The following THSD7A variants were observed in gnomAD, a reference collection of about 807,000 sequenced individuals.
THSD7A encodes the protein thrombospondin type-1 domain-containing protein 7A.
A neutral mutation model predicts 231.3 loss-of-function variants in THSD7A; 96 were observed. The ratio of observed to expected loss-of-function variants is 0.41; its 90% CI spans 0.35 to 0.49. The LOEUF (loss-of-function observed/expected upper bound fraction) is 0.49. Ranked by LOEUF, THSD7A falls within the 20% of genes least tolerant of loss-of-function variation. The probability of loss-of-function intolerance (pLI) is 0.05; values close to 1 mark genes in which losing one functional copy is unlikely to be tolerated. For missense variants in THSD7A, 2,290 were observed against 2,070.2 expected, an observed-to-expected ratio of 1.11 and a Z score of -2.06; for synonymous variants, 940 against 743.3, an observed-to-expected ratio of 1.26 and a Z score of -4.30.
chr7:11,386,453 T>C (rs555195152), intron 23 of THSD7A, among the ~76,000 whole-genome samples: 49 of 152,344 alleles, frequency 3.2e-4, no homozygotes, highest in African/African-American at 1.2e-3. Context: ...TGATTTGTGT[T>C]TCTCTAATGA....
intron 4 of THSD7A, among the ~76,000 whole-genome samples, chr7:11,555,547 A>C (rs1177529696): frequency 6.6e-6 from 1 of 151,854 alleles, no homozygotes; most frequent in Non-Finnish European, 1.5e-5. Context: ...TGTTGGATGG[A>C]GTAATTATAA....
intron 2 of THSD7A, among the ~76,000 whole-genome samples, chr7:11,606,301 G>A (rs777970697): frequency 1.4e-4 from 21 of 152,210 alleles, no homozygotes; most frequent in Middle Eastern, 3.4e-3. Context: ...CATGTCACTG[G>A]AAGAGTAGGA....
intron 1 of THSD7A, among the ~76,000 whole-genome samples, chr7:11,669,088 T>A (rs1480021176): frequency 6.6e-6 from 1 of 152,138 alleles, no homozygotes; most frequent in South Asian, 2.1e-4. Context: ...CCACATACCA[T>A]TATATATGTA....
intron 1 of THSD7A, among the ~76,000 whole-genome samples, chr7:11,705,892 C>T (rs1273839176): frequency 4.0e-5 from 6 of 150,736 alleles, no homozygotes; most frequent in African/African-American, 1.5e-4. Flanking sequence ...TCCAGTTAGC[C>T]CTTAATGTAG....
chr7:11,404,522 G>A (rs1393050798), intron 22 of THSD7A, among the ~76,000 whole-genome samples: 1 of 152,216 alleles, frequency 6.6e-6, no homozygotes, highest in African/African-American at 2.4e-5. Context: ...AAGGTCCAAA[G>A]GTTCAGTCCT....
chr7:11,615,752 T>A (rs1015746314), intron 2 of THSD7A, among the ~76,000 whole-genome samples: 2 of 152,206 alleles, frequency 1.3e-5, no homozygotes, highest in Non-Finnish European at 2.9e-5. Context: ...GTCAATGTCA[T>A]CTGTCTGAAA....
chr7:11,445,457 TAA>T (rs1784935976), intron 13 of THSD7A, among the ~76,000 whole-genome samples: 1 of 151,974 alleles, frequency 6.6e-6, no homozygotes. Flanking sequence ...GTTTAGAAAA[TAA>T]AAGTGGGCAC....
intron 6 of THSD7A, among the ~76,000 whole-genome samples, chr7:11,512,725 C>T (rs955027656): frequency 1.5e-5 from 2 of 132,016 alleles, no homozygotes; most frequent in Non-Finnish European, 3.0e-5. Context: ...GGGAACTGAA[C>T]AATGAGAACA....
Position 11,546,300 on chromosome 7 carries a change from C to A in THSD7A, c.1454-3183G>T, listed in dbSNP as rs558564469. ...GCCCAAGTGTGGACCCCATTGTCAC[C>A]ACCCCAATGTAGTGCTTTTGCCAGC... On this transcript the variant is annotated intron_variant, in intron 4 of 27. Coordinates refer to ENST00000423059, the MANE Select transcript of THSD7A (RefSeq NM_015204.3). Among the ~76,000 whole-genome samples, 8 of 152,210 alleles carry A rather than the reference C, an allele frequency of 5.3e-5. No homozygotes were observed. The East Asian group carries it at 1.6e-3, about 30-fold the overall frequency.
intron 22 of THSD7A, among the ~76,000 whole-genome samples, chr7:11,405,785 T>G (rs1783561854): frequency 6.6e-6 from 1 of 152,238 alleles, no homozygotes; most frequent in Non-Finnish European, 1.5e-5. Context: ...ATCTGTTATT[T>G]TCTTACTGAA....
chr7:11,584,176 CA>C (rs1791292390), intron 4 of THSD7A, among the ~76,000 whole-genome samples: 1 of 152,186 alleles, frequency 6.6e-6, no homozygotes. Flanking sequence ...AAAGCATCAG[CA>C]GCTCAGCCTT....
Position 11,375,173 on chromosome 7 carries a change from G to C in THSD7A, c.*621C>G, listed in dbSNP as rs1416322926. 1 of 151,834 alleles carries C rather than the reference G, an allele frequency of 6.6e-6. No individual in the cohort carries two copies. The highest frequency in any genetic ancestry group is 6.6e-5 in the Admixed American group (1 of 15,190). 9.4% of individuals were successfully genotyped at this position (151,834 alleles called of 1,614,324 possible). On this transcript the variant is annotated 3_prime_UTR_variant, in exon 28 of 28. Coordinates refer to ENST00000423059, the MANE Select transcript of THSD7A (RefSeq NM_015204.3). ...GTACTTGTCCAGCATTCTTACTTTG[G>C]AGAGAGACAAGAAGTCTTAAAAAAG...
At chr7:11,535,883 T>C (rs1788896319) in intron 6 of THSD7A, among the ~76,000 whole-genome samples, 1 of 152,168 alleles carries the variant, frequency 6.6e-6, no homozygotes, top group Non-Finnish European at 1.5e-5. Context: ...TGAGTTTCCA[T>C]TCTATAAATA....
Position 11,481,855 on chromosome 7 carries a change from G to A in THSD7A, c.1950C>T (p.Cys650=), listed in dbSNP as rs1380091944. Residue 650 remains cysteine (C), a synonymous_variant, in exon 7 of 28, where the codon TGC becomes TGT. Coordinates refer to ENST00000423059, the MANE Select transcript of THSD7A (RefSeq NM_015204.3). ...WSTWSSCSHT[C]SGKTTEGKQI... is the part of the protein sequence containing the mutation. ...GTTTCCCTTCTGTCGTTTTCCCTGA[G>A]CAGGTGTGTGAGCAGGAGGACCACG... The A allele has an allele frequency of 2.5e-6, 4 of 1,613,586 alleles. No homozygotes were observed. The Admixed American group carries it at 5.0e-5, about 20-fold the overall frequency.
rs76017599 is a variant in THSD7A at position 11,607,286 on chromosome 7, A to G, written c.1023-13784T>C. Among the ~76,000 whole-genome samples the G allele has an allele frequency of 2.2e-3, 335 of 152,208 alleles. 6 individuals are homozygous for G. Among genetic ancestry groups the G allele is most frequent in the Admixed American group, 0.017 (256 of 15,274 alleles). On this transcript the variant is annotated intron_variant, in intron 2 of 27. Coordinates refer to ENST00000423059, the MANE Select transcript of THSD7A (RefSeq NM_015204.3). Reference sequence around the variant, plus strand: ...ATTTCTCAGTGTTTCTGAGACCGTTACTTATAGCAAGACAGAGGACGATGA... The same window carrying G: ...ATTTCTCAGTGTTTCTGAGACCGTTGCTTATAGCAAGACAGAGGACGATGA...
chr7:11,504,567 C>T (rs1395741914), intron 6 of THSD7A, among the ~76,000 whole-genome samples: 1 of 152,096 alleles, frequency 6.6e-6, no homozygotes, highest in East Asian at 1.9e-4. Context: ...ATAATCTGGC[C>T]TACAAAGTGG....
intron 9 of THSD7A, among the ~76,000 whole-genome samples, chr7:11,464,559 C>A (rs1475553841): frequency 6.6e-6 from 1 of 152,160 alleles, no homozygotes; most frequent in Non-Finnish European, 1.5e-5. Flanking sequence ...ACTTAGAATA[C>A]ATTTCTGAAA....
chr7:11,730,887 C>A (rs924271280), intron 1 of THSD7A, among the ~76,000 whole-genome samples: 32 of 151,636 alleles, frequency 2.1e-4, no homozygotes, highest in African/African-American at 7.5e-4. Flanking sequence ...GGCAGTTGAC[C>A]TTTTTATTCA....
chr7:11,570,262 C>A, intron 4 of THSD7A, among the ~76,000 whole-genome samples: 1 of 152,144 alleles, frequency 6.6e-6, no homozygotes, highest in East Asian at 1.9e-4. Context: ...GGACAAATAA[C>A]ACATGTTCTC....
Sources: allele counts gnomAD v4.1 joint callset (sites outside exome capture counted in the v4.1 genomes callset), GRCh38; gene constraint gnomAD v4.1.1; transcripts MANE v1.5; gene names NCBI Gene and HGNC (gene_info 2026-07-23, HGNC 2026-07-21).